The following CCDC138 variants were observed in gnomAD, a reference collection of about 807,000 sequenced individuals.
CCDC138 encodes coiled-coil domain-containing protein 138.
CCDC138 carries 66 observed loss-of-function variants against 82.3 expected under a neutral mutation model. The observed-to-expected ratio is 0.80, with a 90% CI of 0.66 to 0.98. CCDC138 has a LOEUF of 0.98. Ranked by LOEUF, CCDC138 falls within the 50% of genes least tolerant of loss-of-function variation. The probability of loss-of-function intolerance (pLI) is 0.00; values close to 1 mark genes in which losing one functional copy is unlikely to be tolerated. For synonymous variants in CCDC138, 297 were observed against 265.4 expected, an observed-to-expected ratio of 1.12 and a Z score of -1.16; for missense variants, 816 against 758.9, an observed-to-expected ratio of 1.08 and a Z score of -0.88.
At chr2:108,856,679 ATT>A (rs1162066106) in intron 12 of CCDC138, 113 bp from the exon 13 acceptor site, 3 of 944,362 alleles carry the variant, frequency 3.2e-6, no homozygotes, top group Non-Finnish European at 4.8e-6. Context: ...CTCTTATTTA[ATT>A]TTTGTTTGTC....
chr2:108,831,723 T>TCCTTCCTTCCTG (rs1687688622), intron 10 of CCDC138, among the ~76,000 whole-genome samples: 1 of 151,672 alleles, frequency 6.6e-6, no homozygotes, highest in Admixed American at 6.6e-5. Flanking sequence ...CTTCCTTCCT[T>TCCTTCCTTCCTG]CCTTCCTTCC....
Position 108,876,449 on chromosome 2 carries a change from T to TTAC in CCDC138, c.*196_*197insTAC, listed in dbSNP as rs1696029869. 1 of 397,876 alleles carries TTAC rather than the reference T, an allele frequency of 2.5e-6. No individual in the cohort carries two copies. The highest frequency in any genetic ancestry group is 4.0e-5 in the Admixed American group (1 of 24,752). 24.6% of individuals were successfully genotyped at this position (397,876 alleles called of 1,614,324 possible). A position where few individuals can be genotyped will look rare whatever the true frequency, so the allele number is the denominator to read the frequency against. The stretch of plus-strand genomic sequence containing the variant: ...TTGGAATGTTTCAGTTCAGGTAAGG[T>TTAC]AATACTAATATACAAGATGGCGTTT... On this transcript the variant is annotated 3_prime_UTR_variant, in exon 15 of 15. Transcript: ENST00000295124.
chr2:108,853,967 AAT>A (rs1210421799), intron 12 of CCDC138, among the ~76,000 whole-genome samples: 3 of 112,914 alleles, frequency 2.7e-5, no homozygotes, highest in African/African-American at 1.0e-4. Flanking sequence ...TATATAATAA[AAT>A]ATATATAATA....
intron 13 of CCDC138, among the ~76,000 whole-genome samples, chr2:108,861,757 AG>A (rs1693651160): frequency 6.6e-6 from 1 of 152,012 alleles, no homozygotes; most frequent in South Asian, 2.1e-4. Flanking sequence ...CTGGGATTAC[AG>A]GCGTGAGCCA....
chr2:108,832,706 G>T (rs934735653), intron 10 of CCDC138, among the ~76,000 whole-genome samples: 1 of 152,196 alleles, frequency 6.6e-6, no homozygotes, highest in Non-Finnish European at 1.5e-5. Flanking sequence ...AAGCCTTGTA[G>T]AAGTGACTGC....
At chr2:108,847,197 TG>T (rs1690640588) in intron 12 of CCDC138, among the ~76,000 whole-genome samples, 1 of 152,342 alleles carries the variant, frequency 6.6e-6, no homozygotes, top group South Asian at 2.1e-4. Context: ...TATTTGTATT[TG>T]TCACATCAAA....
At chr2:108,870,028 C>T (rs1695000377) in intron 13 of CCDC138, among the ~76,000 whole-genome samples, 1 of 152,088 alleles carries the variant, frequency 6.6e-6, no homozygotes, top group Non-Finnish European at 1.5e-5. Context: ...GCTCAATGAG[C>T]TAATGAGAAA....
At chr2:108,884,889 G>C (rs1482616689) in intron 2 of CCDC138, 1 of 151,250 alleles carries the variant, frequency 6.6e-6, no homozygotes. Flanking sequence ...AAACACCTCT[G>C]CTCTGTGGCC....
At chr2:108,838,679 T>G (rs973957318) in intron 10 of CCDC138, among the ~76,000 whole-genome samples, 7 of 152,172 alleles carry the variant, frequency 4.6e-5, no homozygotes, top group Non-Finnish European at 8.8e-5. Context: ...ATGCATGCAA[T>G]GTAGACATAT....
intron 10 of CCDC138, among the ~76,000 whole-genome samples, chr2:108,825,714 G>A (rs1686466153): frequency 6.6e-6 from 1 of 152,006 alleles, no homozygotes; most frequent in South Asian, 2.1e-4. Context: ...TAGACTTTTG[G>A]GTTGTTTGCA....
intron 13 of CCDC138, among the ~76,000 whole-genome samples, chr2:108,864,649 C>A (rs11901003): frequency 0.013 from 1,971 of 152,142 alleles, 52 homozygotes; most frequent in African/African-American, 0.046. Flanking sequence ...AACAAAAAAG[C>A]CAGGCGTGGT....
chr2:108,815,978 T>G lies in CCDC138; in HGVS notation c.1079T>G (p.Val360Gly). ...LNGQVYELLT[V>G]FMDWISDHHL... ...GGGCAAGTTTATGAACTTTTAACTG[T>G]CTTCATGGACTGGATTTCGGATCAT... The change falls in exon 10 of 15, where the codon GTC becomes GGC. Residue 360 changes from valine (V) to glycine (G), a missense_variant. Transcript: ENST00000295124. The G allele has an allele frequency of 1.2e-6, 2 of 1,613,336 alleles. No homozygotes were observed. The highest frequency in any genetic ancestry group is 1.7e-6 in the Non-Finnish European group (2 of 1,179,526).
chr2:108,874,082 G>A (rs901229311), intron 14 of CCDC138, among the ~76,000 whole-genome samples: 2 of 152,116 alleles, frequency 1.3e-5, no homozygotes, highest in Middle Eastern at 3.2e-3. Context: ...TCATATAAAA[G>A]TAAGAGCAGT....
At chr2:108,791,344 A>C (rs565329714) in intron 3 of CCDC138, among the ~76,000 whole-genome samples, 1 of 152,102 alleles carries the variant, frequency 6.6e-6, no homozygotes, top group Non-Finnish European at 1.5e-5. Flanking sequence ...TTACTTATGT[A>C]TATTATTTTA....
intron 10 of CCDC138, among the ~76,000 whole-genome samples, chr2:108,831,812 A>AACT (rs1687729499): frequency 6.6e-6 from 1 of 151,944 alleles, no homozygotes; most frequent in Non-Finnish European, 1.5e-5. Flanking sequence ...GGCCCACTGC[A>AACT]ACTACTGCCT....
At chr2:108,831,445 A>T (rs1436751658) in intron 10 of CCDC138, among the ~76,000 whole-genome samples, 1 of 152,220 alleles carries the variant, frequency 6.6e-6, no homozygotes, top group Non-Finnish European at 1.5e-5. Context: ...TTGGATTAAG[A>T]ATATAAATAC....
intron 7 of CCDC138, among the ~76,000 whole-genome samples, chr2:108,811,247 C>CTCTTTTTT (rs760937756): frequency 9.8e-4 from 111 of 112,842 alleles, no homozygotes; most frequent in South Asian, 2.4e-3. Context: ...TTCTCTCTCT[C>CTCTTTTTT]TTTTTTTTTT....
intron 13 of CCDC138, among the ~76,000 whole-genome samples, chr2:108,867,247 G>C (rs1694555596): frequency 6.6e-6 from 1 of 152,144 alleles, no homozygotes. Context: ...AAGAAGAAGA[G>C]GTGGACACAA....
chr2:108,823,988 G>A (rs901090111), intron 10 of CCDC138, among the ~76,000 whole-genome samples: 2 of 150,560 alleles, frequency 1.3e-5, no homozygotes, highest in African/African-American at 4.9e-5. Context: ...AGAAAAAAAA[G>A]GGAGGGGTGG....
Sources: gnomAD v4.1 joint callset for allele counts (sites outside exome capture counted in the v4.1 genomes callset) on GRCh38, gnomAD v4.1.1 for gene constraint, MANE v1.5 for transcripts, NCBI Gene and HGNC (gene_info 2026-07-23, HGNC 2026-07-21) for gene names.